The following ZSCAN5A variants were observed in gnomAD, a reference collection of about 807,000 sequenced individuals.
The protein encoded by ZSCAN5A is zinc finger and SCAN domain-containing protein 5A.
A neutral mutation model predicts 23.7 loss-of-function variants in ZSCAN5A; 12 were observed. That is an observed-to-expected ratio of 0.51 (90% CI 0.32 to 0.82). The LOEUF is 0.82. Ranked by LOEUF, ZSCAN5A falls within the 40% of genes least tolerant of loss-of-function variation. The probability of loss-of-function intolerance (pLI) is 0.03; values close to 1 mark genes in which losing one functional copy is unlikely to be tolerated. For missense variants in ZSCAN5A, 597 were observed against 617.9 expected (o/e 0.97, Z 0.36); for synonymous variants, 257 against 239.9 (o/e 1.07, Z -0.66).
intron 4 of ZSCAN5A, among the ~76,000 whole-genome samples, chr19:56,223,061 C>T (rs576541174): frequency 1.1e-4 from 17 of 152,264 alleles, no homozygotes; most frequent in Non-Finnish European, 1.8e-4. Context: ...TGACTCTAGT[C>T]GAGGCCCCTC....
intron 2 of ZSCAN5A, among the ~76,000 whole-genome samples, chr19:56,300,455 T>C (rs2040152874): frequency 6.6e-6 from 1 of 152,196 alleles, no homozygotes; most frequent in Non-Finnish European, 1.5e-5. Context: ...AGGAGGTAGA[T>C]TTGCTACTTG....
chr19:56,357,176 T>G (rs917224432), intron 2 of ZSCAN5A, among the ~76,000 whole-genome samples: 2 of 148,532 alleles, frequency 1.3e-5, no homozygotes, highest in East Asian at 3.9e-4. Context: ...ATGACTCAGC[T>G]GGATGCCAAG....
At chr19:56,240,387 G>A (rs73621030) in intron 2 of ZSCAN5A, among the ~76,000 whole-genome samples, 9,741 of 152,108 alleles carry the variant, frequency 0.064, 768 homozygotes, top group African/African-American at 0.19. Context: ...AATGGATTAC[G>A]TGGCCCTAAA....
chr19:56,223,952 C>G, intron 3 of ZSCAN5A, 118 bp from the exon 4 acceptor site: 1 of 969,726 alleles, frequency 1.0e-6, no homozygotes, highest in South Asian at 1.6e-5. Flanking sequence ...AATCTGCCTT[C>G]CCAATAGAGA....
chr19:56,329,873 G>A (rs966969257), intron 2 of ZSCAN5A, among the ~76,000 whole-genome samples: 2 of 152,276 alleles, frequency 1.3e-5, no homozygotes, highest in Middle Eastern at 3.4e-3. Context: ...TGGAATACAT[G>A]AGTAGGTGTG....
At position 56,327,109 on chromosome 19, in the gene ZSCAN5A, G is replaced by T. The variant is rs551351060; in HGVS notation, c.-357-10841C>A. On this transcript the variant is annotated intron_variant, in intron 2 of 6. Coordinates refer to the ZSCAN5A transcript ENST00000587340. Reference sequence around the variant, plus strand: ...GAGTCTAATTTCAGGTGTCCATTAGGATTTACTACATTCGTCATGCTATAT... The same window carrying T: ...GAGTCTAATTTCAGGTGTCCATTAGTATTTACTACATTCGTCATGCTATAT... Among the ~76,000 whole-genome samples the T allele has an allele frequency of 1.3e-4, 20 of 151,826 alleles. No individual in the cohort carries two copies. In the South Asian group the frequency reaches 4.2e-3, roughly 32 times the overall value.
At position 56,223,702 on chromosome 19, in the gene ZSCAN5A, G is replaced by T. The variant is rs768639394; in HGVS notation, c.517C>A (p.Arg173Ser). The change falls in exon 4 of 6, where the codon CGT (arginine) becomes AGT (serine). Residue 173 changes from arginine to serine, a missense_variant. This residue lies in a region of ZSCAN5A where 406 missense variants were observed against 353.2 expected (regional missense o/e 1.15). Transcript: ENST00000683990. ...SQRASSVNQM[R>S]PGEGQAHREL... ...CGGTGGGCCTGGCCTTCCCCTGGAC[G>T]CATCTGGTTCACCGAGGAGGCCCGT... 1.9e-6 allele frequency: 3 copies of T among 1,613,844 alleles called. No individual in the cohort carries two copies. In the South Asian group the frequency reaches 3.3e-5, roughly 18 times the overall value.
At chr19:56,252,364 T>C (rs2036406525) in intron 2 of ZSCAN5A, among the ~76,000 whole-genome samples, 2 of 152,118 alleles carry the variant, frequency 1.3e-5, no homozygotes, top group African/African-American at 2.4e-5. Context: ...CCACCCAAAA[T>C]TGAGTTTGAA....
At chr19:56,260,905 T>C (rs1246089751) in intron 2 of ZSCAN5A, among the ~76,000 whole-genome samples, 1 of 152,132 alleles carries the variant, frequency 6.6e-6, no homozygotes, top group Non-Finnish European at 1.5e-5. Flanking sequence ...GTTACACTCA[T>C]TTTATAGAAA....
At position 56,222,055 on chromosome 19, in the gene ZSCAN5A, G is replaced by A. The variant is rs150874997; in HGVS notation, c.1011C>T (p.Gly337=). 7 of 1,614,066 alleles carry A rather than the reference G, an allele frequency of 4.3e-6. No homozygotes were observed. The highest frequency in any genetic ancestry group is 1.3e-5 in the African/African-American group (1 of 74,924). The change falls in exon 6 of 6, where the codon GGC becomes GGT. Residue 337 remains glycine, a synonymous_variant. Coordinates refer to ENST00000683990, the MANE Select transcript of ZSCAN5A (RefSeq NM_001322064.3). ...QAGMNSIHSP[G]PASPVSHPDG... ...CCGGGTGACTGACTGGGCTCGCAGG[G>A]CCTGGGGAATGAATTGAATTCATCC...
intron 2 of ZSCAN5A, among the ~76,000 whole-genome samples, chr19:56,225,713 T>C (rs1464740702): frequency 6.6e-6 from 1 of 152,214 alleles, no homozygotes; most frequent in South Asian, 2.1e-4. Context: ...TTCATAAATT[T>C]CATCATTTTT....
At chr19:56,337,228 C>T (rs1272965545) in intron 2 of ZSCAN5A, among the ~76,000 whole-genome samples, 1 of 152,250 alleles carries the variant, frequency 6.6e-6, no homozygotes, top group Non-Finnish European at 1.5e-5. Context: ...TGGTGGGCTC[C>T]ACCCAGTTCG....
chr19:56,360,445 A>C (rs1204198432), intron 2 of ZSCAN5A, among the ~76,000 whole-genome samples: 1 of 152,226 alleles, frequency 6.6e-6, no homozygotes. Flanking sequence ...CAAATGGAAA[A>C]ACATTCCATG....
At position 56,257,741 on chromosome 19, in the gene ZSCAN5A, T is replaced by C. The variant is rs371567696; in HGVS notation, c.-127-32568A>G. Among the ~76,000 whole-genome samples the C allele has an allele frequency of 9.5e-3, 854 of 89,868 alleles. 5 individuals are homozygous for C. The highest frequency in any genetic ancestry group is 0.011 in the African/African-American group (287 of 25,298). 59.0% of individuals were successfully genotyped at this position (89,868 alleles called of 152,430 possible). On this transcript the variant is annotated intron_variant, in intron 2 of 5. Coordinates refer to ENST00000683990, the MANE Select transcript of ZSCAN5A (RefSeq NM_001322064.3). ...CCTTTCACACCTGGCTCCTGCCTCC[T>C]ACCACTGCCCATCTTCTTAGACACA...
At chr19:56,228,231 A>C (rs566994246) in intron 2 of ZSCAN5A, 96 of 985,266 alleles carry the variant, frequency 9.7e-5, no homozygotes, top group African/African-American at 3.1e-4. Context: ...AACCCGACAG[A>C]CATCCCCGCT....
intron 2 of ZSCAN5A, among the ~76,000 whole-genome samples, chr19:56,305,076 T>A (rs2040595463): frequency 6.6e-6 from 1 of 152,132 alleles, no homozygotes; most frequent in Admixed American, 6.5e-5. Context: ...CCTTTATAAA[T>A]TCACTCTATA....
chr19:56,251,065 G>A (rs180701798), intron 2 of ZSCAN5A, among the ~76,000 whole-genome samples: 13 of 151,080 alleles, frequency 8.6e-5, no homozygotes, highest in East Asian at 2.0e-4. Context: ...CAGGAGAATC[G>A]CTTGAACCCG....
At chr19:56,330,140 G>T (rs58615070) in intron 2 of ZSCAN5A, among the ~76,000 whole-genome samples, 19,445 of 152,112 alleles carry the variant, frequency 0.13, 1,642 homozygotes, top group African/African-American at 0.24. Context: ...TACCTGCATC[G>T]ATGTCACTGC....
intron 2 of ZSCAN5A, among the ~76,000 whole-genome samples, chr19:56,272,427 T>C (rs1476406146): frequency 6.6e-6 from 1 of 152,240 alleles, no homozygotes; most frequent in African/African-American, 2.4e-5. Flanking sequence ...CCAATAACAC[T>C]TTATTCATGG....
Sources: allele counts gnomAD v4.1 joint callset (sites outside exome capture counted in the v4.1 genomes callset), GRCh38; gene constraint gnomAD v4.1.1; regional missense constraint gnomAD v4.1.1; transcripts MANE v1.5; gene names NCBI Gene and HGNC (gene_info 2026-07-23, HGNC 2026-07-21).